The following TBX5 variants were observed in gnomAD, a reference collection of about 807,000 sequenced individuals.
TBX5 encodes T-box transcription factor 5, also known as T-box transcription factor TBX5.
A neutral mutation model predicts 51.1 loss-of-function variants in TBX5; 8 were observed. That is an observed-to-expected ratio of 0.16 (90% CI 0.09 to 0.28). The LOEUF (loss-of-function observed/expected upper bound fraction) is 0.28, where lower values mean the gene tolerates loss of function less well. Ranked by LOEUF, TBX5 falls within the 10% of genes least tolerant of loss-of-function variation. TBX5 has a pLI of 1.00. For synonymous variants in TBX5, 302 were observed against 266.4 expected (o/e 1.13, Z -1.30); for missense variants, 589 against 671.7 (o/e 0.88, Z 1.36).
chr12:114,382,763 C>T (rs1870576735), intron 7 of TBX5, among the ~76,000 whole-genome samples: 1 of 152,118 alleles, frequency 6.6e-6, no homozygotes, highest in Non-Finnish European at 1.5e-5. Flanking sequence ...TGCCACTGCA[C>T]TCCAGCCTGG....
chr12:114,390,601 A>C (rs1871099186), intron 6 of TBX5, among the ~76,000 whole-genome samples: 1 of 152,272 alleles, frequency 6.6e-6, no homozygotes, highest in Admixed American at 6.5e-5. Flanking sequence ...CTCTCTATTA[A>C]GGGTTCATTT....
rs1871659164 is a variant in TBX5 at position 114,399,508 on chromosome 12, C to T, written c.362+5G>A. On this transcript the variant is annotated splice_donor_5th_base_variant and intron_variant, in intron 4 of 8. Coordinates refer to ENST00000405440, the MANE Select transcript of TBX5 (RefSeq NM_181486.4). Reference sequence around the variant, plus strand: ...CCCCGCTCCACCTGCCACCCCAGTGCCTACCATTTATTATCTGCGAATTTG... The same window carrying T: ...CCCCGCTCCACCTGCCACCCCAGTGTCTACCATTTATTATCTGCGAATTTG... 6.2e-7 allele frequency: 1 copy of T among 1,613,846 alleles called. No individual in the cohort carries two copies. Among genetic ancestry groups the T allele is most frequent in the South Asian group, 1.1e-5 (1 of 91,058 alleles).
At chr12:114,376,267 A>G (rs1243042641) in intron 7 of TBX5, among the ~76,000 whole-genome samples, 1 of 111,590 alleles carries the variant, frequency 9.0e-6, no homozygotes, top group Non-Finnish European at 1.9e-5. Flanking sequence ...TGTGGTGTGT[A>G]TATATATACA....
chr12:114,405,414 C>T (rs1395235621), intron 1 of TBX5, among the ~76,000 whole-genome samples: 2 of 152,198 alleles, frequency 1.3e-5, no homozygotes, highest in Non-Finnish European at 2.9e-5. Context: ...TTGACAGAAC[C>T]AGGCCGTGCT....
chr12:114,384,982 A>G (rs1325271628), intron 7 of TBX5, among the ~76,000 whole-genome samples: 1 of 152,032 alleles, frequency 6.6e-6, no homozygotes, highest in African/African-American at 2.4e-5. Context: ...ATACCGAGCA[A>G]TTTTTAGCAC....
intron 8 of TBX5, among the ~76,000 whole-genome samples, chr12:114,359,093 A>G (rs554058425): frequency 6.6e-6 from 1 of 152,204 alleles, no homozygotes; most frequent in Non-Finnish European, 1.5e-5. Flanking sequence ...CAAGTAAAAA[A>G]GGAAGAATAA....
chr12:114,369,814 C>G (rs1053921369), intron 7 of TBX5, among the ~76,000 whole-genome samples: 3 of 149,654 alleles, frequency 2.0e-5, no homozygotes, highest in African/African-American at 7.4e-5. Flanking sequence ...TTTTTTTAAT[C>G]ATCATCATCA....
In TBX5 at chr12:114,378,816, T is replaced by G. The variant is rs1309554254; in HGVS notation, c.755+6660A>C. Reference sequence around the variant, plus strand: ...CACACCCAGCTAATTTTTTGTATTTTTAGTAGAGACGGGGTTTCACCATGT... The same window carrying G: ...CACACCCAGCTAATTTTTTGTATTTGTAGTAGAGACGGGGTTTCACCATGT... On this transcript the variant is annotated intron_variant, in intron 7 of 8. Coordinates refer to ENST00000405440, the MANE Select transcript of TBX5 (RefSeq NM_181486.4). Among the ~76,000 whole-genome samples the G allele has an allele frequency of 2.6e-5, 4 of 152,212 alleles. No homozygotes were observed. In the East Asian group the frequency reaches 7.7e-4, roughly 29 times the overall value.
chr12:114,396,755 T>G (rs1000877367), intron 5 of TBX5, among the ~76,000 whole-genome samples: 2 of 152,152 alleles, frequency 1.3e-5, no homozygotes, highest in Non-Finnish European at 2.9e-5. Context: ...GTGGAACCTT[T>G]AGAAATGGCT....
chr12:114,366,603 G>A (rs988104042), intron 7 of TBX5, among the ~76,000 whole-genome samples: 4 of 152,102 alleles, frequency 2.6e-5, no homozygotes, highest in Non-Finnish European at 4.4e-5. Flanking sequence ...TTATACATTA[G>A]GCAAGTAGAT....
At chr12:114,386,372 G>A (rs1434199271) in intron 6 of TBX5, among the ~76,000 whole-genome samples, 1 of 152,126 alleles carries the variant, frequency 6.6e-6, no homozygotes, top group African/African-American at 2.4e-5. Flanking sequence ...GCAACCATAC[G>A]GAGTTTGCCA....
intron 8 of TBX5, among the ~76,000 whole-genome samples, chr12:114,363,257 C>CT (rs1869339735): frequency 6.6e-6 from 1 of 152,202 alleles, no homozygotes; most frequent in African/African-American, 2.4e-5. Flanking sequence ...GTGAGTATTA[C>CT]TACAGTGGAT....
intron 8 of TBX5, 144 bp from the exon 9 acceptor site, chr12:114,356,250 GGT>G (rs918196518): frequency 2.4e-5 from 20 of 845,842 alleles, no homozygotes; most frequent in Non-Finnish European, 3.7e-5. Context: ...AAAAAAAGGG[GGT>G]TGGATTGTAA....
At chr12:114,359,989 A>G (rs1438658506) in intron 8 of TBX5, among the ~76,000 whole-genome samples, 4 of 152,194 alleles carry the variant, frequency 2.6e-5, no homozygotes, top group Non-Finnish European at 5.9e-5. Context: ...CATACTTAAT[A>G]GTATTTGGGT....
At position 114,394,734 on chromosome 12, in the gene TBX5, G is replaced by A. The variant is rs370225220; in HGVS notation, c.663+7C>T. On this transcript the variant is annotated splice_region_variant and intron_variant, in intron 6 of 8. Transcript: ENST00000405440. ...CCCAGGCACTGGTTCCTGGGCTTCA[G>A]GCTTACCTTGTGGTTCTGGTAGGAA... 2 of 1,614,030 alleles carry A rather than the reference G, an allele frequency of 1.2e-6. No individual in the cohort carries two copies. The highest frequency in any genetic ancestry group is 1.7e-6 in the Non-Finnish European group (2 of 1,179,976).
chr12:114,366,953 T>C lies in TBX5; in HGVS notation c.756-562A>G, dbSNP rs1869572945. ...CCTGAGCTTCTGTCCTTGTGGCCAC[T>C]GATATACTTAACTTCTCCATACCTT... On this transcript the variant is annotated intron_variant, in intron 7 of 8. Transcript: ENST00000405440. Among the ~76,000 whole-genome samples, 2 of 152,176 alleles carry C rather than the reference T, an allele frequency of 1.3e-5. 1 individual carries two copies. The highest frequency in any genetic ancestry group is 4.1e-4 in the South Asian group (2 of 4,828).
chr12:114,383,053 C>T (rs1305128735), intron 7 of TBX5, among the ~76,000 whole-genome samples: 1 of 151,948 alleles, frequency 6.6e-6, no homozygotes, highest in African/African-American at 2.4e-5. Flanking sequence ...CTCTCACACA[C>T]CTGCACATGC....
chr12:114,382,250 G>T (rs1388413366), intron 7 of TBX5, among the ~76,000 whole-genome samples: 2 of 152,144 alleles, frequency 1.3e-5, no homozygotes, highest in African/African-American at 2.4e-5. Flanking sequence ...GAAGGTTGAG[G>T]CTGCAGTGAG....
At chr12:114,393,751 C>G (rs1439020781) in intron 6 of TBX5, among the ~76,000 whole-genome samples, 1 of 152,186 alleles carries the variant, frequency 6.6e-6, no homozygotes, top group Non-Finnish European at 1.5e-5. Context: ...CGCCCCTACA[C>G]CAAACTGCAG....
Sources: allele counts gnomAD v4.1 joint callset (sites outside exome capture counted in the v4.1 genomes callset), GRCh38; gene constraint gnomAD v4.1.1; transcripts MANE v1.5; gene names NCBI Gene and HGNC (gene_info 2026-07-23, HGNC 2026-07-21).